Variants in CNTNAP4 observed in about 807,000 individuals in gnomAD.
CNTNAP4 encodes the protein contactin associated protein family member 4.
CNTNAP4 carries 98 observed loss-of-function variants against 148.4 expected under a neutral mutation model. The ratio of observed to expected loss-of-function variants is 0.66; its 90% confidence interval spans 0.56 to 0.78. CNTNAP4 has a LOEUF of 0.78. Among genes scored for constraint, CNTNAP4 ranks in the 30% least tolerant of loss-of-function variants. The pLI is 0.00. For synonymous variants in CNTNAP4, 730 were observed against 565.1 expected (o/e 1.29, Z -4.14); for missense variants, 1,935 against 1,565.6 (o/e 1.24, Z -3.98).
intron 3 of CNTNAP4, among the ~76,000 whole-genome samples, chr16:76,385,099 G>A (rs973561693): frequency 6.6e-6 from 1 of 152,192 alleles, no homozygotes; most frequent in Non-Finnish European, 1.5e-5. Flanking sequence ...CATGACAGGA[G>A]CATAATTATA....
intron 3 of CNTNAP4, among the ~76,000 whole-genome samples, chr16:76,400,178 A>G (rs546465152): frequency 6.6e-6 from 1 of 152,156 alleles, no homozygotes; most frequent in Admixed American, 6.6e-5. Context: ...AGTCAAGGCT[A>G]TGTGTTTAAG....
chr16:76,346,422 C>T (rs1014323840), intron 2 of CNTNAP4, among the ~76,000 whole-genome samples: 1 of 110,368 alleles, frequency 9.1e-6, no homozygotes, highest in Non-Finnish European at 1.8e-5. Context: ...CTCAGTCTGG[C>T]TAGGGAAGAT....
rs150053511 is a variant in CNTNAP4 at position 76,535,455 on chromosome 16, G to A, written c.2756-90G>A. On this transcript the variant is annotated intron_variant, in intron 17 of 23. Transcript: ENST00000611870. The stretch of plus-strand genomic sequence containing the variant: ...TATTTGCTCATCCATTTTTTTTGCC[G>A]TTCTCTGTAAGGCCTCAGTTTTGTT... The A allele has an allele frequency of 1.3e-3, 1,834 of 1,395,600 alleles. 3 individuals carry two copies. Among genetic ancestry groups the A allele is most frequent in the Non-Finnish European group, 1.6e-3 (1,691 of 1,037,302 alleles). The allele number at this position is 1,395,600 out of a possible 1,614,324, so 86.5% of individuals were successfully genotyped here. A position where few individuals can be genotyped will look rare whatever the true frequency, so the allele number is the denominator to read the frequency against.
chr16:76,295,867 G>T (rs28528121), intron 1 of CNTNAP4, among the ~76,000 whole-genome samples: 1 of 152,084 alleles, frequency 6.6e-6, no homozygotes, highest in African/African-American at 2.4e-5. Flanking sequence ...CCCCAGGCTG[G>T]AATGTAGTGG....
chr16:76,306,795 T>C (rs1435679139), intron 1 of CNTNAP4, among the ~76,000 whole-genome samples: 2 of 152,216 alleles, frequency 1.3e-5, no homozygotes, highest in African/African-American at 4.8e-5. Flanking sequence ...TGGATTATTT[T>C]AAGTACCTAC....
intron 12 of CNTNAP4, among the ~76,000 whole-genome samples, 177 bp downstream of exon 12, chr16:76,479,715 A>C (rs1056128281): frequency 1.3e-4 from 20 of 152,288 alleles, no homozygotes; most frequent in African/African-American, 4.1e-4. Flanking sequence ...ATGATTTTAA[A>C]TGTCTTTTTT....
intron 3 of CNTNAP4, among the ~76,000 whole-genome samples, chr16:76,360,483 T>A (rs2013271990): frequency 6.6e-6 from 1 of 152,210 alleles, no homozygotes; most frequent in Admixed American, 6.5e-5. Context: ...GCATTTTTCC[T>A]TCCTTATGTT....
At chr16:76,401,413 T>C (rs1010698913) in intron 3 of CNTNAP4, among the ~76,000 whole-genome samples, 4 of 152,212 alleles carry the variant, frequency 2.6e-5, no homozygotes, top group African/African-American at 9.6e-5. Flanking sequence ...AAGAGTTTGC[T>C]GAAGTTGTTT....
chr16:76,409,813 T>A (rs1418261971), intron 3 of CNTNAP4, among the ~76,000 whole-genome samples: 1 of 151,914 alleles, frequency 6.6e-6, no homozygotes, highest in Non-Finnish European at 1.5e-5. Flanking sequence ...GACTTGGATG[T>A]TAAACTCAAG....
At chr16:76,515,610 T>C (rs935483551) in intron 15 of CNTNAP4, among the ~76,000 whole-genome samples, 16 of 152,128 alleles carry the variant, frequency 1.1e-4, no homozygotes, top group African/African-American at 3.9e-4. Flanking sequence ...ACCTGACCTG[T>C]GAGATTTTGT....
At chr16:76,387,300 A>G (rs1028469741) in intron 3 of CNTNAP4, among the ~76,000 whole-genome samples, 10 of 152,230 alleles carry the variant, frequency 6.6e-5, no homozygotes, top group Non-Finnish European at 1.5e-4. Flanking sequence ...GTTAATGTCA[A>G]ACATTATGGT....
At position 76,560,501 on chromosome 16, in the gene CNTNAP4, C is replaced by T. The variant is rs1340016210; in HGVS notation, c.*1818C>T. On this transcript the variant is annotated 3_prime_UTR_variant, in exon 24 of 24. Transcript: ENST00000611870. ...TAGAAATGGCATTATTTATTCGATGCAAAGCTGAGTGCAAACATCATTATA... is the reference window on the plus strand; with the variant it reads ...TAGAAATGGCATTATTTATTCGATGTAAAGCTGAGTGCAAACATCATTATA... Among the ~76,000 whole-genome samples, 8 of 152,158 alleles carry T rather than the reference C, an allele frequency of 5.3e-5. No individual in the cohort carries two copies. The highest frequency in any genetic ancestry group is 8.8e-5 in the Non-Finnish European group (6 of 68,016).
chr16:76,526,932 C>A (rs2083759369), intron 17 of CNTNAP4, among the ~76,000 whole-genome samples: 1 of 152,136 alleles, frequency 6.6e-6, no homozygotes, highest in African/African-American at 2.4e-5. Context: ...CCTCAGCCTC[C>A]CAAAGTGCTG....
intron 2 of CNTNAP4, among the ~76,000 whole-genome samples, chr16:76,351,504 CA>C (rs765814960): frequency 1.6e-4 from 25 of 152,276 alleles, no homozygotes; most frequent in Non-Finnish European, 3.4e-4. Flanking sequence ...ACGCTAATAC[CA>C]TGTGCATCTG....
At chr16:76,322,875 C>G (rs1392771919) in intron 2 of CNTNAP4, among the ~76,000 whole-genome samples, 1 of 150,812 alleles carries the variant, frequency 6.6e-6, no homozygotes, top group Non-Finnish European at 1.5e-5. Flanking sequence ...TACTTTGTCA[C>G]CTACGCTACA....
At chr16:76,449,590 T>C (rs1393255341) in intron 6 of CNTNAP4, 125 bp from the exon 7 acceptor site, 2 of 684,752 alleles carry the variant, frequency 2.9e-6, no homozygotes, top group Non-Finnish European at 4.4e-6. Context: ...TCTTAATTTT[T>C]GTGTGTGTAG....
At chr16:76,518,023 T>G (rs2083312816) in intron 15 of CNTNAP4, among the ~76,000 whole-genome samples, 1 of 152,196 alleles carries the variant, frequency 6.6e-6, no homozygotes, top group Non-Finnish European at 1.5e-5. Flanking sequence ...CAATACTTAG[T>G]ACATCTTCCT....
At chr16:76,491,180 T>G (rs945138913) in intron 13 of CNTNAP4, among the ~76,000 whole-genome samples, 3 of 152,090 alleles carry the variant, frequency 2.0e-5, no homozygotes, top group Admixed American at 6.6e-5. Context: ...AATGTTTTCA[T>G]TTGGCCTCTA....
intron 4 of CNTNAP4, among the ~76,000 whole-genome samples, chr16:76,432,232 C>G (rs955082660): frequency 3.3e-5 from 5 of 152,134 alleles, no homozygotes; most frequent in African/African-American, 1.2e-4. Context: ...GTCATAGATG[C>G]AAGCCTATCC....
Sources: gnomAD v4.1 joint callset for allele counts (sites outside exome capture counted in the v4.1 genomes callset) on GRCh38, gnomAD v4.1.1 for gene constraint, MANE v1.5 for transcripts, NCBI Gene and HGNC (gene_info 2026-07-23, HGNC 2026-07-21) for gene names.